Variants in CCDC192 observed in about 807,000 individuals in gnomAD.
CCDC192 encodes coiled-coil domain-containing protein 192.
chr5:127,877,592 C>A (rs527736638), intron 6 of CCDC192, among the ~76,000 whole-genome samples: 1 of 152,282 alleles, frequency 6.6e-6, no homozygotes, highest in Admixed American at 6.5e-5. Context: ...AGGCCCCTTG[C>A]AGCCTCACCC....
At chr5:127,766,916 C>T (rs941446252) in intron 3 of CCDC192, among the ~76,000 whole-genome samples, 16 of 152,206 alleles carry the variant, frequency 1.1e-4, no homozygotes, top group African/African-American at 3.6e-4. Context: ...GAACAGTTGC[C>T]TTCCTCATTC....
chr5:127,779,731 A>T (rs915155673), intron 3 of CCDC192, among the ~76,000 whole-genome samples: 4 of 152,066 alleles, frequency 2.6e-5, no homozygotes, highest in Non-Finnish European at 4.4e-5. Context: ...TTTTTTTAAA[A>T]AATGTTTTTA....
At chr5:127,917,710 C>T (rs1342461475) in intron 6 of CCDC192, among the ~76,000 whole-genome samples, 1 of 152,118 alleles carries the variant, frequency 6.6e-6, no homozygotes, top group Non-Finnish European at 1.5e-5. Context: ...CACCCCAAAA[C>T]AATTACAACG....
At chr5:127,772,596 A>G (rs914764369) in intron 3 of CCDC192, among the ~76,000 whole-genome samples, 2 of 152,114 alleles carry the variant, frequency 1.3e-5, no homozygotes, top group Non-Finnish European at 1.5e-5. Context: ...TCAAAACTAC[A>G]TCCTGATAAA....
chr5:127,923,886 CT>C (rs1753800586), intron 6 of CCDC192, among the ~76,000 whole-genome samples: 1 of 152,210 alleles, frequency 6.6e-6, no homozygotes, highest in South Asian at 2.1e-4. Context: ...ATGCAACCAC[CT>C]TGCAGATAGA....
intron 3 of CCDC192, among the ~76,000 whole-genome samples, chr5:127,774,514 T>G (rs1188901383): frequency 1.3e-5 from 2 of 152,224 alleles, no homozygotes; most frequent in African/African-American, 2.4e-5. Flanking sequence ...GATCCTCTTC[T>G]TTGCCTATTA....
intron 6 of CCDC192, among the ~76,000 whole-genome samples, chr5:127,918,306 G>C (rs924051801): frequency 1.3e-4 from 20 of 151,028 alleles, no homozygotes; most frequent in African/African-American, 4.9e-4. Flanking sequence ...CAAGATGCTT[G>C]CTTTTATCAC....
chr5:127,900,755 A>C (rs1183490579), intron 6 of CCDC192, among the ~76,000 whole-genome samples: 1 of 152,152 alleles, frequency 6.6e-6, no homozygotes, highest in Non-Finnish European at 1.5e-5. Context: ...TGGCTTCCTA[A>C]AGGCCTAGGT....
At chr5:127,912,419 CAAAAAAAA>C (rs60854127) in intron 6 of CCDC192, among the ~76,000 whole-genome samples, 12 of 81,444 alleles carry the variant, frequency 1.5e-4, no homozygotes, top group Non-Finnish European at 2.5e-4. Flanking sequence ...CTGGGTTTAG[CAAAAAAAA>C]AAAAAAAAAA....
At chr5:127,856,536 G>T (rs771975794) in intron 5 of CCDC192, among the ~76,000 whole-genome samples, 3 of 152,156 alleles carry the variant, frequency 2.0e-5, no homozygotes, top group Non-Finnish European at 4.4e-5. Flanking sequence ...CACAACTTAG[G>T]TAACTCTATG....
chr5:127,708,238 C>T (rs1751082070), intron 2 of CCDC192, among the ~76,000 whole-genome samples: 1 of 152,020 alleles, frequency 6.6e-6, no homozygotes, highest in African/African-American at 2.4e-5. Context: ...TCGCTGTGAC[C>T]CTTGAAGGCT....
chr5:127,898,669 G>C (rs1752960550), intron 6 of CCDC192, among the ~76,000 whole-genome samples: 1 of 152,116 alleles, frequency 6.6e-6, no homozygotes, highest in Non-Finnish European at 1.5e-5. Flanking sequence ...ATGAAATGCT[G>C]AGATGTGGAC....
At chr5:127,749,882 T>G (rs539096237) in intron 2 of CCDC192, among the ~76,000 whole-genome samples, 1 of 152,300 alleles carries the variant, frequency 6.6e-6, no homozygotes, top group South Asian at 2.1e-4. Context: ...TTCTTCTAGA[T>G]TTTCTAGTTT....
intron 2 of CCDC192, among the ~76,000 whole-genome samples, chr5:127,708,804 C>T (rs377221303): frequency 6.6e-6 from 1 of 152,068 alleles, no homozygotes; most frequent in South Asian, 2.1e-4. Context: ...AGTGGGCTTC[C>T]GTGTGGGCCA....
intron 5 of CCDC192, among the ~76,000 whole-genome samples, chr5:127,821,029 GTACACACACACATA>G (rs1331242724): frequency 6.6e-6 from 1 of 151,872 alleles, no homozygotes; most frequent in African/African-American, 2.4e-5. Context: ...CACACTACAT[GTACACACACACATA>G]TACACACACA....
chr5:127,890,786 ACTTT>A (rs1269714333), intron 6 of CCDC192, among the ~76,000 whole-genome samples: 4 of 152,112 alleles, frequency 2.6e-5, no homozygotes, highest in Non-Finnish European at 1.5e-5. Flanking sequence ...ATTTCTTAAA[ACTTT>A]CTTTCTTATA....
At chr5:127,794,428 T>G (rs1757049893) in intron 3 of CCDC192, among the ~76,000 whole-genome samples, 1 of 152,222 alleles carries the variant, frequency 6.6e-6, no homozygotes, top group Non-Finnish European at 1.5e-5. Flanking sequence ...ACCTTCAGGA[T>G]GTTTTGAAGA....
chr5:127,806,243 G>C (rs572319906), intron 5 of CCDC192, among the ~76,000 whole-genome samples: 2 of 152,310 alleles, frequency 1.3e-5, no homozygotes, highest in East Asian at 3.9e-4. Flanking sequence ...CTGAGGGACA[G>C]AGACCTAATG....
intron 5 of CCDC192, among the ~76,000 whole-genome samples, chr5:127,857,144 T>C (rs1441244710): frequency 2.6e-5 from 4 of 152,198 alleles, no homozygotes; most frequent in Non-Finnish European, 5.9e-5. Context: ...ATTCTTCAAA[T>C]AGAGCTACAT....
Sources: gnomAD v4.1 joint callset for allele counts (sites outside exome capture counted in the v4.1 genomes callset) on GRCh38, gnomAD v4.1.1 for gene constraint, MANE v1.5 for transcripts, NCBI Gene and HGNC (gene_info 2026-07-23, HGNC 2026-07-21) for gene names.